PPIL1: variants seen among roughly 807,000 people sequenced by gnomAD.
PPIL1 encodes the protein peptidyl-prolyl cis-trans isomerase-like 1.
PPIL1 carries 14 observed loss-of-function variants against 19.4 expected under a neutral mutation model. That is an observed-to-expected ratio of 0.72 (90% CI 0.48 to 1.13). The LOEUF (loss-of-function observed/expected upper bound fraction) is 1.13. PPIL1 is among the 50% of genes most tolerant of loss of function. The pLI is 0.00. For synonymous variants in PPIL1, 72 were observed against 73.6 expected, an observed-to-expected ratio of 0.98 and a Z score of 0.11; for missense variants, 192 against 218.0, an observed-to-expected ratio of 0.88 and a Z score of 0.75.
intron 2 of PPIL1, among the ~76,000 whole-genome samples, chr6:36,867,793 C>G (rs1012710112): frequency 1.3e-5 from 2 of 152,238 alleles, no homozygotes; most frequent in East Asian, 3.8e-4. Context: ...AGCTCCAGTT[C>G]TCTCCCACAC....
Position 36,874,742 on chromosome 6 carries a change from G to A in PPIL1, c.31C>T (p.Pro11Ser). 1 of 1,614,168 alleles carries A rather than the reference G, an allele frequency of 6.2e-7. No individual in the cohort carries two copies. The highest frequency in any genetic ancestry group is 8.5e-7 in the Non-Finnish European group (1 of 1,179,998). ...CTGGTCTCCAAGTAAACGTTGGGTG[G>A]CTGCCAGGAATCTGGGGGAATTGCC... MAAIPPDSWQPPNVYLETSMG... is the reference protein window; with the variant it reads MAAIPPDSWQSPNVYLETSMG... Residue 11 changes from proline to serine, a missense_variant, in exon 1 of 4, where the codon CCA (proline) becomes TCA (serine). By Grantham distance (74) the Pro-to-Ser change is moderately conservative (BLOSUM62 -1). Transcript: ENST00000373699.
intron 1 of PPIL1, among the ~76,000 whole-genome samples, chr6:36,873,443 T>C (rs1035202337): frequency 2.6e-5 from 4 of 152,224 alleles, no homozygotes; most frequent in African/African-American, 9.6e-5. Flanking sequence ...TATGATCATA[T>C]GATCCCATTT....
chr6:36,871,535 T>C (rs9470422), intron 2 of PPIL1, among the ~76,000 whole-genome samples, 183 bp downstream of exon 2: 30,525 of 152,082 alleles, frequency 0.2, 3,341 homozygotes, highest in East Asian at 0.28. Flanking sequence ...CATGTGTGTT[T>C]GAGGAAGGCA....
In PPIL1 at chr6:36,874,735, T is replaced by C. The variant is rs374199616; in HGVS notation, c.38A>G (p.Asn13Ser). ...AIPPDSWQPP[N>S]VYLETSMGII... ...CCCTCACCTGGTCTCCAAGTAAACG[T>C]TGGGTGGCTGCCAGGAATCTGGGGG... is the stretch of plus-strand genomic sequence containing the variant. Residue 13 changes from asparagine (N) to serine (S), a missense_variant, in exon 1 of 4, where the codon AAC (asparagine) becomes AGC (serine). Asn to Ser is a conservative substitution (Grantham distance 46). Coordinates refer to ENST00000373699, the MANE Select transcript of PPIL1 (RefSeq NM_016059.5). 28 of 1,613,950 alleles carry C rather than the reference T, an allele frequency of 1.7e-5. No individual in the cohort carries two copies. The highest frequency in any genetic ancestry group is 3.3e-4 in the Middle Eastern group (2 of 6,074).
At chr6:36,866,146 C>T (rs1297692530) in intron 2 of PPIL1, among the ~76,000 whole-genome samples, 1 of 152,156 alleles carries the variant, frequency 6.6e-6, no homozygotes, top group Non-Finnish European at 1.5e-5. Context: ...ATAAAAGACA[C>T]TCAGAGGGCT....
chr6:36,873,733 A>C (rs1774570089), intron 1 of PPIL1, among the ~76,000 whole-genome samples: 1 of 152,162 alleles, frequency 6.6e-6, no homozygotes, highest in Non-Finnish European at 1.5e-5. Flanking sequence ...GCAAATAGAG[A>C]GAGGACTGAC....
intron 2 of PPIL1, among the ~76,000 whole-genome samples, chr6:36,871,296 T>A (rs942139783): frequency 1.2e-4 from 18 of 152,236 alleles, no homozygotes; most frequent in Non-Finnish European, 2.2e-4. Flanking sequence ...CTTAAAAAAG[T>A]ATCTGACACA....
chr6:36,872,613 A>ATT (rs564664124), intron 1 of PPIL1, among the ~76,000 whole-genome samples: 18 of 147,078 alleles, frequency 1.2e-4, no homozygotes, highest in Non-Finnish European at 1.7e-4. Flanking sequence ...GGATGTGACA[A>ATT]TTTTTTTTTT....
chr6:36,871,666 C>A (rs374528191), intron 2 of PPIL1, 52 bp downstream of exon 2: 1 of 1,543,610 alleles, frequency 6.5e-7, no homozygotes, highest in East Asian at 2.4e-5. Flanking sequence ...GAAAAAAAGA[C>A]GAAAAGGAGA....
chr6:36,855,106 A>G lies in PPIL1; in HGVS notation c.*707T>C, dbSNP rs1774140623. The G allele has an allele frequency of 6.5e-6, 1 of 152,732 alleles. No individual in the cohort carries two copies. Among genetic ancestry groups the G allele is most frequent in the South Asian group, 2.1e-4 (1 of 4,842 alleles). 9.5% of individuals were successfully genotyped at this position (152,732 alleles called of 1,614,324 possible). A position where few individuals can be genotyped will look rare whatever the true frequency, so the allele number is the denominator to read the frequency against. On this transcript the variant is annotated 3_prime_UTR_variant, in exon 4 of 4. Transcript: ENST00000373699. Reference sequence around the variant, plus strand: ...CCTCTTCTCTGGGAAAAAATGGTCAATGCTTCTGCTTCCTTTTAATAAACT... The same window carrying G: ...CCTCTTCTCTGGGAAAAAATGGTCAGTGCTTCTGCTTCCTTTTAATAAACT...
At chr6:36,861,190 T>C (rs1774281875) in intron 2 of PPIL1, among the ~76,000 whole-genome samples, 1 of 152,154 alleles carries the variant, frequency 6.6e-6, no homozygotes, top group Non-Finnish European at 1.5e-5. Flanking sequence ...TTGAAAAGGA[T>C]GAACCAACAT....
chr6:36,858,828 C>T (rs1774220060), intron 2 of PPIL1, among the ~76,000 whole-genome samples: 1 of 151,524 alleles, frequency 6.6e-6, no homozygotes, highest in Non-Finnish European at 1.5e-5. Flanking sequence ...CAATCCTCCC[C>T]TTTGCTTGGT....
chr6:36,858,394 G>A (rs943276805), intron 2 of PPIL1, among the ~76,000 whole-genome samples: 4 of 152,084 alleles, frequency 2.6e-5, no homozygotes, highest in Non-Finnish European at 4.4e-5. Flanking sequence ...GAACGGTCAC[G>A]ACAAAACAGC....
At chr6:36,874,390 C>T (rs377383679) in intron 1 of PPIL1, among the ~76,000 whole-genome samples, 18 of 152,320 alleles carry the variant, frequency 1.2e-4, no homozygotes, top group East Asian at 3.9e-4. Context: ...GTTTTATCTA[C>T]CTCTGTATCC....
intron 2 of PPIL1, among the ~76,000 whole-genome samples, chr6:36,859,424 CAAAAAAAAAAA>C (rs36097489): frequency 4.1e-5 from 3 of 73,208 alleles, no homozygotes; most frequent in Admixed American, 1.6e-4. Flanking sequence ...GACCCTGTCT[CAAAAAAAAAAA>C]AAAAAAAAAA....
chr6:36,856,913 T>A (rs1222423829), intron 2 of PPIL1, among the ~76,000 whole-genome samples: 4 of 152,234 alleles, frequency 2.6e-5, no homozygotes, highest in Admixed American at 6.5e-5. Context: ...ATGTTCACTA[T>A]CAAAAAGGTA....
chr6:36,860,968 T>C (rs1015552535), intron 2 of PPIL1, among the ~76,000 whole-genome samples: 1 of 152,180 alleles, frequency 6.6e-6, no homozygotes, highest in Non-Finnish European at 1.5e-5. Flanking sequence ...TTCACCTCAC[T>C]GTATGACCAT....
chr6:36,856,126 A>AG, intron 3 of PPIL1, 93 bp from the exon 4 acceptor site: 1 of 1,378,820 alleles, frequency 7.3e-7, no homozygotes, highest in East Asian at 2.5e-5. Context: ...AAAAGCAGCC[A>AG]GGACTTTGTT....
chr6:36,865,246 T>C (rs1774370695), intron 2 of PPIL1, among the ~76,000 whole-genome samples: 1 of 152,216 alleles, frequency 6.6e-6, no homozygotes, highest in African/African-American at 2.4e-5. Flanking sequence ...CACAGCTGGA[T>C]GAAATTTCCT....
Sources: gnomAD v4.1 joint callset for allele counts (sites outside exome capture counted in the v4.1 genomes callset) on GRCh38, gnomAD v4.1.1 for gene constraint, MANE v1.5 for transcripts, NCBI Gene and HGNC (gene_info 2026-07-23, HGNC 2026-07-21) for gene names.